Variants in CPNE8 observed in about 807,000 individuals in gnomAD.
The protein encoded by CPNE8 is copine-8.
Under a neutral mutation model 81.5 loss-of-function variants are expected in CPNE8, and 45 were observed. The observed-to-expected ratio is 0.55, with a 90% CI of 0.44 to 0.71. The LOEUF is 0.71. CPNE8 is among the 30% of genes least tolerant of loss of function. The pLI, the probability that CPNE8 is intolerant of heterozygous loss-of-function variation, is 0.00. For missense variants in CPNE8, 594 were observed against 672.1 expected (o/e 0.88, Z 1.28); for synonymous variants, 252 against 226.3 (o/e 1.11, Z -1.02).
At position 38,741,462 on chromosome 12, in the gene CPNE8, G is replaced by A. The variant is rs560721300; in HGVS notation, c.723-11104C>T. ...TTCCCTATTTAATAAATGTTGCTGG[G>A]AAACTGGCTAGCCATATGTAGAAAG... On this transcript the variant is annotated intron_variant, in intron 10 of 19. Transcript: ENST00000331366. Among the ~76,000 whole-genome samples the A allele has an allele frequency of 2.0e-5, 3 of 152,222 alleles. No individual in the cohort carries two copies. The South Asian group carries it at 6.2e-4, about 32-fold the overall frequency.
chr12:38,741,383 C>T (rs1941100811), intron 10 of CPNE8, among the ~76,000 whole-genome samples: 1 of 152,138 alleles, frequency 6.6e-6, no homozygotes, highest in Non-Finnish European at 1.5e-5. Context: ...TACCACACAT[C>T]TACAACCATC....
intron 1 of CPNE8, among the ~76,000 whole-genome samples, chr12:38,876,354 C>G (rs2137112870): frequency 6.6e-6 from 1 of 152,248 alleles, no homozygotes; most frequent in African/African-American, 2.4e-5. Flanking sequence ...GCTGGGATTA[C>G]AGGCATGTGC....
At chr12:38,842,267 CT>C (rs1174869300) in intron 4 of CPNE8, among the ~76,000 whole-genome samples, 1 of 152,044 alleles carries the variant, frequency 6.6e-6, no homozygotes, top group Non-Finnish European at 1.5e-5. Context: ...AAATTAGCAA[CT>C]TAAACAATAT....
At chr12:38,768,141 T>C (rs1941729107) in intron 7 of CPNE8, among the ~76,000 whole-genome samples, 1 of 151,462 alleles carries the variant, frequency 6.6e-6, no homozygotes, top group Non-Finnish European at 1.5e-5. Context: ...ACATATCTAG[T>C]ATGTATAAAA....
chr12:38,719,916 T>C (rs973370845), intron 13 of CPNE8, among the ~76,000 whole-genome samples: 5 of 152,218 alleles, frequency 3.3e-5, no homozygotes, highest in African/African-American at 9.6e-5. Context: ...ATAGAAATTA[T>C]CTTAGGTCTA....
At chr12:38,691,077 A>G (rs373840805) in intron 15 of CPNE8, among the ~76,000 whole-genome samples, 7 of 152,358 alleles carry the variant, frequency 4.6e-5, no homozygotes, top group African/African-American at 1.7e-4. Context: ...ACATTTGAGA[A>G]AGATGAAATT....
At chr12:38,789,202 T>G (rs557624901) in intron 6 of CPNE8, among the ~76,000 whole-genome samples, 1 of 151,970 alleles carries the variant, frequency 6.6e-6, no homozygotes, top group Non-Finnish European at 1.5e-5. Context: ...CTTTGAATTA[T>G]ACTACAGACC....
intron 1 of CPNE8, among the ~76,000 whole-genome samples, chr12:38,886,655 G>T (rs1032511231): frequency 6.6e-6 from 1 of 152,142 alleles, no homozygotes; most frequent in Non-Finnish European, 1.5e-5. Flanking sequence ...TGAGCCTAAG[G>T]CTGCTCCTCC....
chr12:38,816,225 A>G (rs1943021501), intron 6 of CPNE8, among the ~76,000 whole-genome samples: 1 of 152,220 alleles, frequency 6.6e-6, no homozygotes, highest in Admixed American at 6.5e-5. Flanking sequence ...TAATCAAGAG[A>G]AAAAGAGGAA....
intron 17 of CPNE8, among the ~76,000 whole-genome samples, chr12:38,677,023 T>A (rs1339911269): frequency 6.6e-6 from 1 of 152,094 alleles, no homozygotes; most frequent in Non-Finnish European, 1.5e-5. Flanking sequence ...TTAGGAATTA[T>A]AATGAGCAGG....
chr12:38,654,217 T>G, intron 19 of CPNE8, 147 bp from the exon 20 acceptor site: 1 of 1,173,564 alleles, frequency 8.5e-7, no homozygotes, highest in East Asian at 2.9e-5. Context: ...ATTATACATT[T>G]TTAAAAATAT....
intron 7 of CPNE8, among the ~76,000 whole-genome samples, chr12:38,774,517 A>G (rs1565608416): frequency 1.3e-5 from 2 of 152,116 alleles, no homozygotes; most frequent in Non-Finnish European, 2.9e-5. Context: ...ATTATGCTAT[A>G]TTTTCTAAGG....
intron 19 of CPNE8, among the ~76,000 whole-genome samples, chr12:38,657,615 C>T (rs1365724601): frequency 6.6e-6 from 1 of 152,162 alleles, no homozygotes; most frequent in Non-Finnish European, 1.5e-5. Flanking sequence ...CTGGGAGACA[C>T]CTCCCAGTAG....
chr12:38,869,380 T>A (rs1943958934), intron 3 of CPNE8, among the ~76,000 whole-genome samples: 2 of 152,182 alleles, frequency 1.3e-5, no homozygotes, highest in Non-Finnish European at 2.9e-5. Context: ...TCATATTTAA[T>A]CCTCATAACA....
At chr12:38,760,506 CT>C (rs1555154538) in intron 10 of CPNE8, among the ~76,000 whole-genome samples, 6 of 147,904 alleles carry the variant, frequency 4.1e-5, no homozygotes, top group Non-Finnish European at 8.9e-5. Context: ...CTTGTGTTCC[CT>C]TGAAAAGTAT....
At chr12:38,682,611 ATATCCAAAG>A in intron 16 of CPNE8, among the ~76,000 whole-genome samples, 1 of 152,342 alleles carries the variant, frequency 6.6e-6, no homozygotes, top group South Asian at 2.1e-4. Context: ...ATATCTCAGT[ATATCCAAAG>A]TACTGTGGCT....
intron 19 of CPNE8, among the ~76,000 whole-genome samples, chr12:38,663,843 A>G (rs1939009010): frequency 6.6e-6 from 1 of 152,086 alleles, no homozygotes; most frequent in Non-Finnish European, 1.5e-5. Flanking sequence ...AGCCCGGAGG[A>G]CACTATGTTA....
intron 5 of CPNE8, 128 bp downstream of exon 5, chr12:38,839,788 T>A (rs138677712): frequency 4.5e-6 from 4 of 885,920 alleles, no homozygotes; most frequent in Non-Finnish European, 6.2e-6. Context: ...TTTAAAATGT[T>A]ACTTATTTTC....
At chr12:38,660,683 C>T (rs894801374) in intron 19 of CPNE8, among the ~76,000 whole-genome samples, 2 of 152,120 alleles carry the variant, frequency 1.3e-5, no homozygotes, top group Admixed American at 6.6e-5. Context: ...AGGCAGCCTA[C>T]AGAATGGGAG....
Sources: allele counts gnomAD v4.1 joint callset (sites outside exome capture counted in the v4.1 genomes callset), GRCh38; gene constraint gnomAD v4.1.1; transcripts MANE v1.5; gene names NCBI Gene and HGNC (gene_info 2026-07-23, HGNC 2026-07-21).